The following NELL1 variants were observed in gnomAD, a reference collection of about 807,000 sequenced individuals.
NELL1 encodes protein kinase C-binding protein NELL1.
NELL1 carries 76 observed loss-of-function variants against 107.4 expected under a neutral mutation model. That is an observed-to-expected ratio of 0.71 (90% confidence interval 0.59 to 0.86). NELL1 has a LOEUF of 0.86. Ranked by LOEUF, NELL1 falls within the 40% of genes least tolerant of loss-of-function variation. NELL1 has a pLI of 0.00. For synonymous variants in NELL1, 353 were observed against 341.2 expected (o/e 1.03, Z -0.38); for missense variants, 1,024 against 1,005.5 (o/e 1.02, Z -0.25).
chr11:21,499,977 C>T (rs1275771712), intron 15 of NELL1, among the ~76,000 whole-genome samples: 1 of 152,048 alleles, frequency 6.6e-6, no homozygotes, highest in African/African-American at 2.4e-5. Flanking sequence ...GCCAGACTTT[C>T]TCAAGAGAAG....
At chr11:21,427,167 C>T (rs770010056) in intron 15 of NELL1, among the ~76,000 whole-genome samples, 4 of 152,158 alleles carry the variant, frequency 2.6e-5, no homozygotes, top group South Asian at 2.1e-4. Flanking sequence ...TTTTTCATGT[C>T]GCTATGTCTC....
At chr11:21,351,731 C>A (rs918182002) in intron 14 of NELL1, among the ~76,000 whole-genome samples, 3 of 152,028 alleles carry the variant, frequency 2.0e-5, no homozygotes. Context: ...AAATTTCTCT[C>A]CTGAATTATT....
At chr11:21,006,791 G>A (rs1305696570) in intron 12 of NELL1, among the ~76,000 whole-genome samples, 1 of 152,030 alleles carries the variant, frequency 6.6e-6, no homozygotes, top group Non-Finnish European at 1.5e-5. Flanking sequence ...TTTCCACTTG[G>A]TATTACCCTT....
chr11:20,941,123 AG>A (rs1262085250), intron 10 of NELL1, among the ~76,000 whole-genome samples: 5 of 152,162 alleles, frequency 3.3e-5, no homozygotes, highest in Admixed American at 1.3e-4. Context: ...TGGGCGACAG[AG>A]TGAGACGCCA....
At chr11:21,561,458 A>G (rs1011423895) in intron 17 of NELL1, among the ~76,000 whole-genome samples, 1 of 152,026 alleles carries the variant, frequency 6.6e-6, no homozygotes, top group African/African-American at 2.4e-5. Context: ...GCTATATTTC[A>G]GCCACCCTAT....
chr11:21,437,843 G>A (rs1453586779), intron 15 of NELL1, among the ~76,000 whole-genome samples: 1 of 152,106 alleles, frequency 6.6e-6, no homozygotes, highest in Non-Finnish European at 1.5e-5. Context: ...TTTAAAATCA[G>A]TTTAGCTAGT....
intron 12 of NELL1, among the ~76,000 whole-genome samples, chr11:21,031,402 T>C (rs1014058570): frequency 4.6e-5 from 7 of 152,228 alleles, no homozygotes; most frequent in Non-Finnish European, 8.8e-5. Context: ...TTTGGATTTA[T>C]TGACAGATGC....
chr11:20,798,512 AAAC>A (rs1284913465), intron 3 of NELL1, among the ~76,000 whole-genome samples: 1 of 97,880 alleles, frequency 1.0e-5, no homozygotes, highest in South Asian at 3.8e-4. Context: ...GAATTTAAAA[AAAC>A]TCTTCTTTGA....
intron 14 of NELL1, among the ~76,000 whole-genome samples, chr11:21,330,110 T>C (rs544648860): frequency 8.9e-4 from 136 of 152,228 alleles, no homozygotes; most frequent in African/African-American, 3.2e-3. Context: ...TACTTCAATA[T>C]AGCTTTGCTC....
intron 2 of NELL1, among the ~76,000 whole-genome samples, chr11:20,688,041 TC>T (rs1854352428): frequency 6.6e-6 from 1 of 151,534 alleles, no homozygotes; most frequent in South Asian, 2.1e-4. Context: ...AGATTTTTTT[TC>T]CTGTTTAATA....
chr11:20,926,303 A>G (rs1169308106), intron 7 of NELL1, among the ~76,000 whole-genome samples: 1 of 152,142 alleles, frequency 6.6e-6, no homozygotes, highest in Non-Finnish European at 1.5e-5. Flanking sequence ...AAAAGTGATC[A>G]GAAGAGAGGC....
chr11:21,082,445 C>T (rs1348159763), intron 12 of NELL1, among the ~76,000 whole-genome samples: 1 of 152,112 alleles, frequency 6.6e-6, no homozygotes, highest in East Asian at 1.9e-4. Flanking sequence ...AGAGAGAGAC[C>T]GTGTCATTAT....
intron 14 of NELL1, among the ~76,000 whole-genome samples, chr11:21,301,503 G>A (rs1207971584): frequency 3.3e-5 from 5 of 152,272 alleles, no homozygotes; most frequent in African/African-American, 9.6e-5. Context: ...CAGTGATGAT[G>A]AGCATTTTTT....
intron 4 of NELL1, among the ~76,000 whole-genome samples, chr11:20,863,806 A>T (rs961824982): frequency 6.6e-6 from 1 of 152,196 alleles, no homozygotes; most frequent in African/African-American, 2.4e-5. Context: ...ACTGCACTCC[A>T]GCCTGGGCAA....
At chr11:21,050,184 T>G (rs971250889) in intron 12 of NELL1, among the ~76,000 whole-genome samples, 1 of 152,202 alleles carries the variant, frequency 6.6e-6, no homozygotes, top group Admixed American at 6.5e-5. Context: ...TCTTAGCACA[T>G]GAGATAATAT....
chr11:21,406,623 C>A (rs1434597558), intron 15 of NELL1, among the ~76,000 whole-genome samples: 2 of 151,986 alleles, frequency 1.3e-5, no homozygotes, highest in Non-Finnish European at 2.9e-5. Context: ...AGCCATCCTA[C>A]AAATGTATCT....
At chr11:21,046,491 C>T (rs1156952138) in intron 12 of NELL1, among the ~76,000 whole-genome samples, 2 of 151,994 alleles carry the variant, frequency 1.3e-5, no homozygotes, top group Admixed American at 6.6e-5. Context: ...GCAAGACCTT[C>T]GTTTATATCA....
At chr11:21,125,436 C>T (rs1194242854) in intron 13 of NELL1, among the ~76,000 whole-genome samples, 1 of 151,952 alleles carries the variant, frequency 6.6e-6, no homozygotes, top group Non-Finnish European at 1.5e-5. Flanking sequence ...TGAAAGAGTT[C>T]AGCTTCTTAA....
chr11:20,851,381 T>G (rs375604317), intron 4 of NELL1, among the ~76,000 whole-genome samples: 1 of 152,156 alleles, frequency 6.6e-6, no homozygotes, highest in South Asian at 2.1e-4. Context: ...GATGTGTGGA[T>G]AGCAGATTAC....
Sources: allele counts gnomAD v4.1 joint callset (sites outside exome capture counted in the v4.1 genomes callset), GRCh38; gene constraint gnomAD v4.1.1; transcripts MANE v1.5; gene names NCBI Gene and HGNC (gene_info 2026-07-23, HGNC 2026-07-21).